Variants in ZFP90 observed in about 807,000 individuals in gnomAD.
ZFP90 encodes the protein ZFP90 zinc finger protein.
ZFP90 carries 38 observed loss-of-function variants against 60.8 expected under a neutral mutation model. The observed-to-expected ratio is 0.62, with a 90% CI of 0.48 to 0.82. The LOEUF (loss-of-function observed/expected upper bound fraction) is 0.82. Ranked by LOEUF, ZFP90 falls within the 40% of genes least tolerant of loss-of-function variation. ZFP90 has a pLI of 0.00. For missense variants in ZFP90, 711 were observed against 759.1 expected (o/e 0.94, Z 0.74); for synonymous variants, 287 against 264.8 (o/e 1.08, Z -0.82).
At position 68,564,736 on chromosome 16, in the gene ZFP90, T is replaced by C; in HGVS notation, c.*38T>C. 1 of 1,556,416 alleles carries C rather than the reference T, an allele frequency of 6.4e-7. No homozygotes were observed. Among genetic ancestry groups the C allele is most frequent in the South Asian group, 1.2e-5 (1 of 80,342 alleles). On this transcript the variant is annotated 3_prime_UTR_variant, in exon 5 of 5. Coordinates refer to ENST00000563169, the MANE Select transcript of ZFP90 (RefSeq NM_001305203.2). ...TAAGGAATTTGCAGAATGCTTTAGC[T>C]AAAATGTTCTGATTCAGGATCAGAG... is the stretch of plus-strand genomic sequence containing the variant.
At position 68,565,813 on chromosome 16, in the gene ZFP90, A is replaced by G; in HGVS notation, c.*1115A>G. On this transcript the variant is annotated 3_prime_UTR_variant, in exon 5 of 5. Coordinates refer to ENST00000563169, the MANE Select transcript of ZFP90 (RefSeq NM_001305203.2). ...GCACTGGCTCATTTTATGTGCAAAG[A>G]AAAGATTTCACCATTAAAAAAATTA... The G allele has an allele frequency of 2.0e-6, 2 of 985,330 alleles. No homozygotes were observed. Among genetic ancestry groups the G allele is most frequent in the Non-Finnish European group, 2.4e-6 (2 of 829,900 alleles). The allele number at this position is 985,330 out of a possible 1,614,324, so 61.0% of individuals were successfully genotyped here. A position where few individuals can be genotyped will look rare whatever the true frequency, so the allele number is the denominator to read the frequency against.
intron 2 of ZFP90, among the ~76,000 whole-genome samples, chr16:68,547,886 A>G (rs73562138): frequency 0.037 from 5,549 of 148,882 alleles, 319 homozygotes; most frequent in African/African-American, 0.13. Flanking sequence ...CCCAGGCTAG[A>G]GGGCAATCTC....
chr16:68,563,164 A>G lies in ZFP90; in HGVS notation c.377A>G (p.Gln126Arg). Residue 126 changes from glutamine to arginine, a missense_variant, in exon 5 of 5, where the codon CAG (glutamine) becomes CGG (arginine). By Grantham distance (43) the Gln-to-Arg change is conservative (BLOSUM62 1). Coordinates refer to ENST00000563169, the MANE Select transcript of ZFP90 (RefSeq NM_001305203.2). Reference sequence around the variant, plus strand: ...GAAGACTCCTGGGATGTTAGCAGCCAGTTAGACAGGCAACAGGAAAACTGG... The same window carrying G: ...GAAGACTCCTGGGATGTTAGCAGCCGGTTAGACAGGCAACAGGAAAACTGG... The part of the protein sequence containing the change: ...TLEDSWDVSS[Q>R]LDRQQENWKR... 6.2e-7 allele frequency: 1 copy of G among 1,614,212 alleles called. No homozygotes were observed. The highest frequency in any genetic ancestry group is 8.5e-7 in the Non-Finnish European group (1 of 1,180,030).
upstream of ZFP90, among the ~76,000 whole-genome samples, chr16:68,535,151 A>T (rs568084808): frequency 6.6e-6 from 1 of 152,180 alleles, no homozygotes; most frequent in Non-Finnish European, 1.5e-5. Context: ...CCCAGACTGG[A>T]TTTATGTTTG....
At position 68,563,316 on chromosome 16, in the gene ZFP90, C is replaced by T. The variant is rs188915063; in HGVS notation, c.529C>T (p.Pro177Ser). 1,409 of 1,614,114 alleles carry T rather than the reference C, an allele frequency of 8.7e-4. 1 individual carries two copies. Among genetic ancestry groups the T allele is most frequent in the Non-Finnish European group, 1.2e-3 (1,370 of 1,180,022 alleles). The change falls in exon 5 of 5, where the codon CCT becomes TCT. Residue 177 changes from proline to serine, a missense_variant. Transcript: ENST00000563169. ...NTNLVTQLNI[P>S]ARIRPSECET... ...CAATTTGGTTACACAACTGAACATT[C>T]CTGCAAGAATAAGGCCTAGTGAATG...
chr16:68,558,631 G>GA, intron 4 of ZFP90, 63 bp downstream of exon 4: 1 of 1,432,442 alleles, frequency 7.0e-7, no homozygotes, highest in Non-Finnish European at 9.8e-7. Flanking sequence ...TAGGGAGGGG[G>GA]AGATACCCTC....
chr16:68,575,248 G>A (rs994439419), intron 2 of ZFP90, among the ~76,000 whole-genome samples: 4 of 152,196 alleles, frequency 2.6e-5, no homozygotes, highest in African/African-American at 7.2e-5. Flanking sequence ...ATCTGCACTC[G>A]GTCTGTGGCT....
chr16:68,543,129 C>T (rs974225172), intron 2 of ZFP90, among the ~76,000 whole-genome samples: 2 of 151,868 alleles, frequency 1.3e-5, no homozygotes, highest in Non-Finnish European at 2.9e-5. Context: ...GACTTGAAGG[C>T]GATGAGGGAG....
chr16:68,564,575 G>A lies in ZFP90; in HGVS notation c.1788G>A (p.Leu596=). ...GAGCCTTCCGAAAAAAAACCAACCT[G>A]CATGATCATCAGAGAATTCATACTG... ...CGRAFRKKTN[L]HDHQRIHTGE... The change falls in exon 5 of 5, where the codon CTG becomes CTA. Residue 596 remains leucine, a synonymous_variant. Transcript: ENST00000563169. 6.2e-7 allele frequency: 1 copy of A among 1,613,972 alleles called. No individual in the cohort carries two copies. The highest frequency in any genetic ancestry group is 8.5e-7 in the Non-Finnish European group (1 of 1,179,948).
chr16:68,535,792 G>A (rs999491633), upstream of ZFP90: 5 of 151,938 alleles, frequency 3.3e-5, no homozygotes, highest in East Asian at 1.9e-4. Flanking sequence ...TGGGCTTCTC[G>A]GTATTCCCTA....
In ZFP90 at chr16:68,567,113, A is replaced by G; in HGVS notation, c.*2415A>G. 1 of 985,594 alleles carries G rather than the reference A, an allele frequency of 1.0e-6. No homozygotes were observed. Among genetic ancestry groups the G allele is most frequent in the Non-Finnish European group, 1.2e-6 (1 of 829,938 alleles). 61.1% of individuals were successfully genotyped at this position (985,594 alleles called of 1,614,324 possible). ...GTAACATCATTGTATTCTTTCAATA[A>G]ATAGCCTTCTGAGTTGAATGGGAGT... On this transcript the variant is annotated 3_prime_UTR_variant, in exon 5 of 5. Coordinates refer to ENST00000563169, the MANE Select transcript of ZFP90 (RefSeq NM_001305203.2).
intron 3 of ZFP90, 83 bp downstream of exon 3, chr16:68,558,207 G>C: frequency 6.3e-7 from 1 of 1,579,770 alleles, no homozygotes; most frequent in South Asian, 1.2e-5. Flanking sequence ...CCAGAGCTTA[G>C]GTAACTGTGA....
Position 68,563,596 on chromosome 16 carries a change from C to T in ZFP90, c.809C>T (p.Thr270Ile), listed in dbSNP as rs1293550802. ...GKTFLWKTQL[T>I]EHQRIHTGEK... ...ACCTTTCTCTGGAAGACACAGCTTA[C>T]TGAGCATCAGAGAATTCACACTGGG... Residue 270 changes from threonine to isoleucine, a missense_variant, in exon 5 of 5, where the codon ACT (threonine) becomes ATT (isoleucine). By Grantham distance (89) the Thr-to-Ile change is moderately conservative. Coordinates refer to ENST00000563169, the MANE Select transcript of ZFP90 (RefSeq NM_001305203.2). 1 of 1,614,184 alleles carries T rather than the reference C, an allele frequency of 6.2e-7. No individual in the cohort carries two copies. The highest frequency in any genetic ancestry group is 1.1e-5 in the South Asian group (1 of 91,088).
In ZFP90 at chr16:68,540,808, C is replaced by CAAAGAA. The variant is rs1555497723; in HGVS notation, c.33+986_33+987insGAAAAA. Among the ~76,000 whole-genome samples the CAAAGAA allele has an allele frequency of 2.7e-4, 25 of 92,614 alleles. 2 individuals carry two copies. Among genetic ancestry groups the CAAAGAA allele is most frequent in the East Asian group, 5.6e-4 (2 of 3,594 alleles). 60.8% of individuals were successfully genotyped at this position (92,614 alleles called of 152,430 possible). On this transcript the variant is annotated intron_variant, in intron 2 of 4. Coordinates refer to ENST00000563169, the MANE Select transcript of ZFP90 (RefSeq NM_001305203.2). ...GCAACATAGTGAGACTCCGTCTCTG[C>CAAAGAA]AAAAAAAAAAAAAAAAAAAAAATTT...
intron 2 of ZFP90, among the ~76,000 whole-genome samples, chr16:68,556,543 G>A (rs1334539909): frequency 6.6e-6 from 1 of 152,218 alleles, no homozygotes; most frequent in Non-Finnish European, 1.5e-5. Context: ...CATTCAGCAA[G>A]TATTTTTTAA....
rs1018507146 is a variant in ZFP90, at chr16:68,565,068, T to C, written c.*370T>C. On this transcript the variant is annotated 3_prime_UTR_variant, in exon 5 of 5. Transcript: ENST00000563169. Reference sequence around the variant, plus strand: ...CTGCAGTAATGACCAAAACCCATTTTAAAAATTGCTTGACAACTGCACTCA... The same window carrying C: ...CTGCAGTAATGACCAAAACCCATTTCAAAAATTGCTTGACAACTGCACTCA... The C allele has an allele frequency of 1.0e-6, 1 of 1,000,668 alleles. No homozygotes were observed. Among genetic ancestry groups the C allele is most frequent in the African/African-American group, 1.7e-5 (1 of 57,734 alleles). 62.0% of individuals were successfully genotyped at this position (1,000,668 alleles called of 1,614,324 possible).
intron 2 of ZFP90, among the ~76,000 whole-genome samples, chr16:68,575,454 C>T (rs896923690): frequency 1.4e-5 from 2 of 142,396 alleles, no homozygotes; most frequent in Non-Finnish European, 3.0e-5. Flanking sequence ...CACCCAAAGT[C>T]AGGTCATCTC....
chr16:68,566,795 T>C lies in ZFP90; in HGVS notation c.*2097T>C. On this transcript the variant is annotated 3_prime_UTR_variant, in exon 5 of 5. Transcript: ENST00000563169. ...GCTACTGGTTGTTTGGGGATCCCCA[T>C]AGTGGACTACTTTCAGGAATGGCAT... The C allele has an allele frequency of 1.0e-6, 1 of 985,576 alleles. No individual in the cohort carries two copies. The highest frequency in any genetic ancestry group is 4.7e-5 in the South Asian group (1 of 21,292). 61.1% of individuals were successfully genotyped at this position (985,576 alleles called of 1,614,324 possible).
In ZFP90 at chr16:68,544,286, C is replaced by T. The variant is rs117132740; in HGVS notation, c.33+4461C>T. ...TAAGCTAGGTGTGGTGGCACACACA[C>T]CTATAGTCCCAGCCACTTGGGAGGC... On this transcript the variant is annotated intron_variant, in intron 2 of 4. Transcript: ENST00000563169. Among the ~76,000 whole-genome samples the T allele has an allele frequency of 3.1e-4, 47 of 152,282 alleles. 1 individual carries two copies. In the East Asian group the frequency reaches 6.8e-3, roughly 22 times the overall value.
Sources: gnomAD v4.1 joint callset for allele counts (sites outside exome capture counted in the v4.1 genomes callset) on GRCh38, gnomAD v4.1.1 for gene constraint, MANE v1.5 for transcripts, NCBI Gene and HGNC (gene_info 2026-07-23, HGNC 2026-07-21) for gene names.